KANTR: variants seen among roughly 807,000 people sequenced by gnomAD.
The protein encoded by KANTR is KDM5C adjacent transcript.
intron 2 of KANTR, among the ~76,000 whole-genome samples, chrX:53,106,929 G>T (rs900177719): frequency 1.8e-5 from 2 of 109,809 alleles, no homozygotes; most frequent in Non-Finnish European, 3.8e-5. Flanking sequence ...GCCAACCTGG[G>T]CAACATAGTG....
At chrX:53,108,398 T>C (rs868969192) in intron 2 of KANTR, among the ~76,000 whole-genome samples, 102 of 105,747 alleles carry the variant, frequency 9.6e-4, no homozygotes, top group South Asian at 4.2e-3. Context: ...CATGGGGTTT[T>C]GCCATGTTGG....
chrX:53,117,474 T>C (rs1339845349), intron 2 of KANTR, among the ~76,000 whole-genome samples: 3 of 110,456 alleles, frequency 2.7e-5, no homozygotes, highest in Non-Finnish European at 5.7e-5. Flanking sequence ...AGTCTTGTGC[T>C]TAACATTCAC....
At chrX:53,147,399 G>A (rs1213203348), downstream of KANTR, among the ~76,000 whole-genome samples, 3 of 111,650 alleles carry the variant, frequency 2.7e-5, no homozygotes, top group Non-Finnish European at 5.6e-5. Flanking sequence ...GAAGGGATCA[G>A]TTCAACAAGA....
At chrX:53,127,094 C>G (rs1933299114) in exon 3 of KANTR, 1 of 112,092 alleles carries the variant, frequency 8.9e-6, no homozygotes, top group Non-Finnish European at 1.9e-5. Flanking sequence ...CTTCTCACTG[C>G]CTGAAACACC....
chrX:53,135,624 T>C (rs1424590648), intron 2 of KANTR, among the ~76,000 whole-genome samples: 3 of 112,266 alleles, frequency 2.7e-5, no homozygotes, highest in Non-Finnish European at 5.6e-5. Context: ...TCTACTGACA[T>C]ATCAGGTAGA....
chrX:53,106,670 G>A (rs1184154812), intron 2 of KANTR, among the ~76,000 whole-genome samples: 1 of 110,480 alleles, frequency 9.1e-6, no homozygotes. Flanking sequence ...CCAAAGTGCT[G>A]GGATTACAGA....
chrX:53,135,156 A>C (rs1556817463), intron 2 of KANTR, among the ~76,000 whole-genome samples: 3 of 111,735 alleles, frequency 2.7e-5, no homozygotes. Context: ...AGGGGGCTGA[A>C]CTCATGTCCC....
At chrX:53,131,984 A>G (rs1334417171), downstream of KANTR, among the ~76,000 whole-genome samples, 4 of 112,418 alleles carry the variant, frequency 3.6e-5, no homozygotes, top group Admixed American at 9.4e-5. Flanking sequence ...TATACTAGCA[A>G]TGAACAATTG....
chrX:53,140,990 C>T (rs1353842724), intron 2 of KANTR, among the ~76,000 whole-genome samples: 1 of 110,530 alleles, frequency 9.0e-6, no homozygotes, highest in Non-Finnish European at 1.9e-5. Flanking sequence ...GATGAAGCCC[C>T]GTCTCTACTA....
chrX:53,124,398 C>T lies in KANTR; in HGVS notation c.126C>T (p.Leu42=), dbSNP rs1173340634. 4 of 294,526 alleles carry T rather than the reference C, an allele frequency of 1.4e-5. No individual in the cohort carries two copies. The Admixed American group carries it at 1.9e-4, about 14-fold the overall frequency. 24.3% of individuals were successfully genotyped at this position (294,526 alleles called of 1,213,427 possible). Residue 42 remains leucine (L), a synonymous_variant, in exon 3 of 3, where the codon CTC becomes CTT. Transcript: ENST00000604062. The stretch of plus-strand genomic sequence containing the variant: ...AGAACCAACTTTTGGCTTTGTTGCT[C>T]CTCTCTATTGTATCTTTGTTTTCTA...
At chrX:53,133,308 A>C (rs922391765) in intron 2 of KANTR, among the ~76,000 whole-genome samples, 3 of 108,482 alleles carry the variant, frequency 2.8e-5, no homozygotes, top group Non-Finnish European at 5.7e-5. Flanking sequence ...CTGAGACTGC[A>C]GTGAACCGAG....
At chrX:53,142,753 T>G, downstream of KANTR, 1 of 447,037 alleles carries the variant, frequency 2.2e-6, no homozygotes, top group Non-Finnish European at 4.2e-6. Context: ...TTAGAGGCAT[T>G]TGCGGTAGAC....
chrX:53,142,605 C>T, exon 3 of KANTR: 1 of 316,102 alleles, frequency 3.2e-6, no homozygotes, highest in African/African-American at 2.6e-5. Context: ...TGAGCCACCA[C>T]TTCTGGCCAC....
intron 2 of KANTR, among the ~76,000 whole-genome samples, chrX:53,117,607 GTGTT>G (rs1366979948): frequency 4.6e-4 from 16 of 34,507 alleles, no homozygotes; most frequent in Admixed American, 4.3e-3. Flanking sequence ...GTGTGTGTGT[GTGTT>G]TTTTTTTTTT....
At chrX:53,136,235 T>C (rs1176379850) in intron 2 of KANTR, among the ~76,000 whole-genome samples, 1 of 111,105 alleles carries the variant, frequency 9.0e-6, no homozygotes, top group South Asian at 3.8e-4. Context: ...GTTTGTTTCT[T>C]TTTGTTTGTT....
chrX:53,139,207 C>T (rs901673136), intron 2 of KANTR, among the ~76,000 whole-genome samples: 101 of 78,228 alleles, frequency 1.3e-3, no homozygotes, highest in Admixed American at 2.9e-3. Flanking sequence ...GGTGACAGAG[C>T]GAGACTCCGT....
chrX:53,121,398 A>G (rs1933218408), intron 2 of KANTR, among the ~76,000 whole-genome samples: 1 of 112,349 alleles, frequency 8.9e-6, no homozygotes, highest in Non-Finnish European at 1.9e-5. Context: ...TATATTCCTC[A>G]CTGTAGTACA....
intron 2 of KANTR, among the ~76,000 whole-genome samples, chrX:53,108,429 T>C (rs961742224): frequency 9.0e-6 from 1 of 110,702 alleles, no homozygotes; most frequent in Non-Finnish European, 1.9e-5. Flanking sequence ...CTCGAACTCC[T>C]GGCCTCAAGT....
downstream of KANTR, among the ~76,000 whole-genome samples, chrX:53,146,532 C>T (rs782222665): frequency 3.6e-5 from 4 of 111,728 alleles, no homozygotes; most frequent in East Asian, 2.8e-4. Context: ...CTGAAAGTGA[C>T]GGGGAGAATG....
Sources: allele counts gnomAD v4.1 joint callset (sites outside exome capture counted in the v4.1 genomes callset), GRCh38; gene constraint gnomAD v4.1.1; transcripts MANE v1.5; gene names NCBI Gene and HGNC (gene_info 2026-07-23, HGNC 2026-07-21).